Variants in SLC37A1 observed in about 807,000 individuals in gnomAD.
SLC37A1 encodes solute carrier family 37 member 1.
SLC37A1 carries 49 observed loss-of-function variants against 75.3 expected under a neutral mutation model. The observed-to-expected ratio is 0.65, with a 90% confidence interval of 0.52 to 0.83. SLC37A1 has a LOEUF of 0.83. SLC37A1 is among the 40% of genes least tolerant of loss of function. SLC37A1 has a pLI of 0.00. For synonymous variants in SLC37A1, 268 were observed against 292.1 expected (o/e 0.92, Z 0.84); for missense variants, 566 against 695.0 (o/e 0.81, Z 2.09).
Position 42,580,515 on chromosome 21 carries a change from C to T in SLC37A1, c.*155C>T, listed in dbSNP as rs901445090. 5 of 740,586 alleles carry T rather than the reference C, an allele frequency of 6.8e-6. No homozygotes were observed. Among genetic ancestry groups the T allele is most frequent in the Non-Finnish European group, 1.1e-5 (5 of 456,786 alleles). The allele number at this position is 740,586 out of a possible 1,614,324, so 45.9% of individuals were successfully genotyped here. On this transcript the variant is annotated 3_prime_UTR_variant, in exon 20 of 20. Coordinates refer to ENST00000352133, the MANE Select transcript of SLC37A1 (RefSeq NM_001320537.2). ...AGACACAGAAGCCAACCTGAGAACC[C>T]CTGGTGCTATTTTAAAGGAGACATA...
intron 13 of SLC37A1, 110 bp downstream of exon 13, chr21:42,563,987 T>G: frequency 7.9e-7 from 1 of 1,261,844 alleles, no homozygotes; most frequent in South Asian, 1.3e-5. Flanking sequence ...TCATATCCCC[T>G]GAGTGGGCCC....
intron 2 of SLC37A1, among the ~76,000 whole-genome samples, chr21:42,520,073 A>G (rs555619556): frequency 6.6e-6 from 1 of 152,278 alleles, no homozygotes; most frequent in Non-Finnish European, 1.5e-5. Flanking sequence ...ATTTGTAAAT[A>G]CTTCCGTGTG....
At chr21:42,524,699 CT>C (rs1271179947) in intron 2 of SLC37A1, among the ~76,000 whole-genome samples, 1 of 152,220 alleles carries the variant, frequency 6.6e-6, no homozygotes, top group Non-Finnish European at 1.5e-5. Flanking sequence ...AAGTGTGCAT[CT>C]CGAGTCCCAG....
At chr21:42,561,938 G>A (rs1030725937) in intron 11 of SLC37A1, 140 bp from the exon 12 acceptor site, 25 of 704,388 alleles carry the variant, frequency 3.5e-5, no homozygotes, top group South Asian at 1.1e-4. Flanking sequence ...ACCCTCCCCA[G>A]TACGTGTCTG....
chr21:42,518,172 A>C (rs2054558686), intron 1 of SLC37A1, 105 bp from the exon 2 acceptor site: 1 of 433,652 alleles, frequency 2.3e-6, no homozygotes, highest in Non-Finnish European at 4.3e-6. Flanking sequence ...AGCTTTGATC[A>C]GGACTGGGTA....
intron 5 of SLC37A1, among the ~76,000 whole-genome samples, chr21:42,537,439 A>G (rs228060): frequency 0.8 from 122,232 of 152,200 alleles, 50,053 homozygotes; most frequent in African/African-American, 0.87. Context: ...CAAAGTGGGA[A>G]TGTGTTTTTC....
At chr21:42,507,176 C>T (rs1391209452) in intron 2 of SLC37A1, among the ~76,000 whole-genome samples, 3 of 152,176 alleles carry the variant, frequency 2.0e-5, no homozygotes, top group Admixed American at 2.0e-4. Flanking sequence ...AGCCACCACA[C>T]CCAGCCCAAT....
chr21:42,526,183 C>T, intron 3 of SLC37A1: 1 of 213,900 alleles, frequency 4.7e-6, no homozygotes. Flanking sequence ...TCCCCAAATT[C>T]CAGCTCTTCG....
At chr21:42,569,988 G>GCCATGTGACACACGGCCTGA (rs2056086967) in intron 17 of SLC37A1, among the ~76,000 whole-genome samples, 1 of 151,602 alleles carries the variant, frequency 6.6e-6, no homozygotes, top group African/African-American at 2.4e-5. Flanking sequence ...TTCTGGCCTT[G>GCCATGTGACACACGGCCTGA]TTCTGAGAAG....
At chr21:42,508,993 A>G (rs2054410114), upstream of SLC37A1, among the ~76,000 whole-genome samples, 1 of 152,200 alleles carries the variant, frequency 6.6e-6, no homozygotes, top group Non-Finnish European at 1.5e-5. Flanking sequence ...TTCTACCACT[A>G]AAATGCCATT....
intron 2 of SLC37A1, among the ~76,000 whole-genome samples, chr21:42,523,416 G>C (rs572731899): frequency 5.3e-4 from 80 of 152,378 alleles, no homozygotes; most frequent in African/African-American, 1.8e-3. Flanking sequence ...GGACAAGTGA[G>C]CATTGAGGGC....
upstream of SLC37A1, among the ~76,000 whole-genome samples, chr21:42,510,590 T>TAA (rs767839111): frequency 1.2e-4 from 18 of 146,246 alleles, 4 homozygotes; most frequent in East Asian, 2.0e-4. Flanking sequence ...GAATGGATAT[T>TAA]AAAAAAAAAA....
At chr21:42,565,069 G>C (rs994722469) in intron 14 of SLC37A1, among the ~76,000 whole-genome samples, 3 of 152,244 alleles carry the variant, frequency 2.0e-5, no homozygotes, top group Non-Finnish European at 4.4e-5. Flanking sequence ...ACAAGCTCCT[G>C]CCCATCCTTT....
chr21:42,539,364 G>A (rs528197615), intron 5 of SLC37A1, 148 bp from the exon 6 acceptor site: 15 of 944,924 alleles, frequency 1.6e-5, no homozygotes, highest in Admixed American at 5.3e-5. Context: ...GGAAATAAGT[G>A]TATGAAATCT....
upstream of SLC37A1, among the ~76,000 whole-genome samples, chr21:42,511,935 C>G (rs930495235): frequency 3.0e-4 from 46 of 151,924 alleles, no homozygotes; most frequent in Admixed American, 1.2e-3. Context: ...TGGGGAGTCG[C>G]TGGCCAAAGA....
At chr21:42,572,782 A>T (rs902508688) in intron 17 of SLC37A1, among the ~76,000 whole-genome samples, 10 of 118,620 alleles carry the variant, frequency 8.4e-5, no homozygotes, top group African/African-American at 2.5e-4. Context: ...GGGTGCTGTG[A>T]GCTCTGGGAA....
chr21:42,526,876 CT>C (rs1228850436), intron 3 of SLC37A1, among the ~76,000 whole-genome samples: 1 of 152,114 alleles, frequency 6.6e-6, no homozygotes, highest in East Asian at 1.9e-4. Flanking sequence ...GGTGGTGGGC[CT>C]TAAACACTCA....
At chr21:42,528,378 C>T (rs142574665) in intron 3 of SLC37A1, among the ~76,000 whole-genome samples, 1,589 of 152,280 alleles carry the variant, frequency 0.01, 23 homozygotes, top group African/African-American at 0.035. Flanking sequence ...GATCTTAGTG[C>T]GAGCTCTTTT....
chr21:42,516,715 T>C (rs1244531863), intron 1 of SLC37A1, among the ~76,000 whole-genome samples: 1 of 152,260 alleles, frequency 6.6e-6, no homozygotes, highest in East Asian at 1.9e-4. Context: ...CCTTTGATGT[T>C]GTTGTCACAG....
Sources: allele counts gnomAD v4.1 joint callset (sites outside exome capture counted in the v4.1 genomes callset), GRCh38; gene constraint gnomAD v4.1.1; transcripts MANE v1.5; gene names NCBI Gene and HGNC (gene_info 2026-07-23, HGNC 2026-07-21).